The following OR10J1 variants were observed in gnomAD, a reference collection of about 807,000 sequenced individuals.
The protein encoded by OR10J1 is olfactory receptor 10J1.
For missense variants in OR10J1, 474 were observed against 376.6 expected (o/e 1.26, Z -2.14); for synonymous variants, 202 against 143.8 (o/e 1.40, Z -2.89).
At chr1:159,412,838 G>A in the OR10J1 span, among the ~76,000 whole-genome samples, 1 of 151,394 alleles carries the variant, frequency 6.6e-6, no homozygotes, top group African/African-American at 2.4e-5. Flanking sequence ...TTGACAAATG[G>A]GATCTAATTA....
upstream of OR10J1, among the ~76,000 whole-genome samples, chr1:159,434,503 G>A (rs1004638600): frequency 5.3e-5 from 8 of 152,148 alleles, no homozygotes; most frequent in African/African-American, 1.9e-4. Context: ...AGGAAAGGAA[G>A]TCTAAAGTGG....
the OR10J1 span, among the ~76,000 whole-genome samples, chr1:159,429,607 G>T: frequency 6.6e-6 from 1 of 152,176 alleles, no homozygotes; most frequent in Non-Finnish European, 1.5e-5. Flanking sequence ...TTTATAATGA[G>T]TTCCCCAGAC....
At chr1:159,400,542 A>G in the OR10J1 span, among the ~76,000 whole-genome samples, 3 of 150,080 alleles carry the variant, frequency 2.0e-5, no homozygotes, top group African/African-American at 7.3e-5. Flanking sequence ...TTCAATATAA[A>G]TATTTTATAA....
At chr1:159,398,166 A>G in the OR10J1 span, among the ~76,000 whole-genome samples, 1 of 152,242 alleles carries the variant, frequency 6.6e-6, no homozygotes, top group African/African-American at 2.4e-5. Flanking sequence ...CCATAGCAAC[A>G]GTCTGCAAGA....
chr1:159,427,910 T>C, the OR10J1 span, among the ~76,000 whole-genome samples: 1 of 152,142 alleles, frequency 6.6e-6, no homozygotes, highest in Non-Finnish European at 1.5e-5. Context: ...AATTTCTTAA[T>C]GTAATTCACC....
the OR10J1 span, among the ~76,000 whole-genome samples, chr1:159,405,166 G>A: frequency 1.3e-5 from 2 of 152,086 alleles, no homozygotes; most frequent in South Asian, 2.1e-4. Context: ...ATCTAAGGGG[G>A]AAATTGTATA....
the OR10J1 span, among the ~76,000 whole-genome samples, chr1:159,416,983 A>G: frequency 6.6e-6 from 1 of 151,784 alleles, no homozygotes; most frequent in Admixed American, 6.6e-5. Flanking sequence ...TCTCTTGGTT[A>G]GTCCATCTAG....
At chr1:159,417,950 G>A in the OR10J1 span, among the ~76,000 whole-genome samples, 1 of 152,128 alleles carries the variant, frequency 6.6e-6, no homozygotes, top group Non-Finnish European at 1.5e-5. Flanking sequence ...TTATATTTTA[G>A]CAAAGAGACT....
Position 159,440,747 on chromosome 1 carries a change from C to G in OR10J1, c.*26C>G, listed in dbSNP as rs1191526492. 1.9e-6 allele frequency: 3 copies of G among 1,590,568 alleles called. No individual in the cohort carries two copies. Among genetic ancestry groups the G allele is most frequent in the African/African-American group, 2.7e-5 (2 of 74,568 alleles). ...CCATGTAGGAAGAGTTCTCCTGAGG[C>G]TGTCAACATCCACACTAGGCAGGAA... On this transcript the variant is annotated 3_prime_UTR_variant, in exon 1 of 1. Coordinates refer to ENST00000423932, the MANE Select transcript of OR10J1 (RefSeq NM_012351.3).
At chr1:159,405,901 A>G in the OR10J1 span, 2 of 575,526 alleles carry the variant, frequency 3.5e-6, no homozygotes, top group African/African-American at 1.9e-5. Flanking sequence ...TGTTACTTGG[A>G]CAATAGCCAT....
chr1:159,401,181 C>G, the OR10J1 span, among the ~76,000 whole-genome samples: 1 of 150,522 alleles, frequency 6.6e-6, no homozygotes, highest in Non-Finnish European at 1.5e-5. Flanking sequence ...AACAATCTAA[C>G]AATGCATCTT....
the OR10J1 span, among the ~76,000 whole-genome samples, chr1:159,415,698 T>C: frequency 6.6e-6 from 1 of 151,834 alleles, no homozygotes; most frequent in Middle Eastern, 3.2e-3. Flanking sequence ...TGGTAATTAA[T>C]TTTAAACGAT....
the OR10J1 span, among the ~76,000 whole-genome samples, chr1:159,403,628 G>A: frequency 2.0e-5 from 3 of 152,260 alleles, no homozygotes; most frequent in East Asian, 5.8e-4. Flanking sequence ...ATGCTGGCAT[G>A]GATGTGGAGA....
the OR10J1 span, among the ~76,000 whole-genome samples, chr1:159,428,657 T>C: frequency 1.3e-5 from 2 of 152,190 alleles, no homozygotes; most frequent in African/African-American, 4.8e-5. Context: ...TCTCAAGCAG[T>C]GATAAATATG....
the OR10J1 span, among the ~76,000 whole-genome samples, chr1:159,423,264 A>G: frequency 6.6e-6 from 1 of 152,138 alleles, no homozygotes; most frequent in African/African-American, 2.4e-5. Context: ...CCACTGCCAC[A>G]CACAATATAT....
the OR10J1 span, among the ~76,000 whole-genome samples, chr1:159,403,437 A>G: frequency 6.6e-4 from 101 of 152,232 alleles, 1 homozygote; most frequent in South Asian, 8.5e-3. Flanking sequence ...TAATAATCTG[A>G]TCAAAAATAG....
the OR10J1 span, chr1:159,432,312 G>A: frequency 4.5e-5 from 18 of 401,024 alleles, no homozygotes; most frequent in South Asian, 2.5e-4. Context: ...GGTCTTGTAC[G>A]TTTTGACCCT....
chr1:159,414,451 A>G, the OR10J1 span, among the ~76,000 whole-genome samples: 2 of 152,134 alleles, frequency 1.3e-5, no homozygotes, highest in Non-Finnish European at 2.9e-5. Context: ...ACAGTATTCC[A>G]TTGTGTTTAC....
chr1:159,414,184 A>T, the OR10J1 span, among the ~76,000 whole-genome samples: 1 of 152,116 alleles, frequency 6.6e-6, no homozygotes, highest in Non-Finnish European at 1.5e-5. Flanking sequence ...GGACCATGAG[A>T]ATTTATAACT....
Sources: allele counts gnomAD v4.1 joint callset (sites outside exome capture counted in the v4.1 genomes callset), GRCh38; gene constraint gnomAD v4.1.1; transcripts MANE v1.5; gene names NCBI Gene and HGNC (gene_info 2026-07-23, HGNC 2026-07-21).